Variants in CFAP54 observed in about 807,000 individuals in gnomAD.
The protein encoded by CFAP54 is cilia- and flagella-associated protein 54.
In CFAP54, 290 loss-of-function variants were observed where a neutral mutation model predicts 370.4. That is an observed-to-expected ratio of 0.78 (90% CI 0.71 to 0.86). The LOEUF is 0.86. CFAP54 is among the 40% of genes least tolerant of loss of function. CFAP54 has a pLI of 0.00. For synonymous variants in CFAP54, 1,206 were observed against 1,236.5 expected (o/e 0.98, Z 0.52); for missense variants, 3,399 against 3,528.7 (o/e 0.96, Z 0.93).
chr12:96,509,265 G>T (rs1955140133), intron 4 of CFAP54, among the ~76,000 whole-genome samples: 1 of 152,164 alleles, frequency 6.6e-6, no homozygotes, highest in Non-Finnish European at 1.5e-5. Flanking sequence ...GAAGGAGTTT[G>T]GATAGTGAAA....
In CFAP54 at chr12:96,855,024, A is replaced by T. The variant is rs567526165; in HGVS notation, c.9172-5795A>T. Among the ~76,000 whole-genome samples, 5 of 152,308 alleles carry T rather than the reference A, an allele frequency of 3.3e-5. No homozygotes were observed. In the South Asian group the frequency reaches 1.0e-3, roughly 32 times the overall value. ...CCAGGGAGGCCACAGGAGATTTACA[A>T]TCATGGCAGAAGGGGCAGCAAACAT... On this transcript the variant is annotated intron_variant, in intron 66 of 67. Transcript: ENST00000524981.
intron 66 of CFAP54, among the ~76,000 whole-genome samples, chr12:96,834,686 A>G (rs1959180615): frequency 6.6e-6 from 1 of 152,178 alleles, no homozygotes; most frequent in Non-Finnish European, 1.5e-5. Flanking sequence ...TGGCTTGGGG[A>G]TCTTCCAGGC....
intron 17 of CFAP54, among the ~76,000 whole-genome samples, 179 bp from the exon 18 acceptor site, chr12:96,564,288 TA>T (rs1473139916): frequency 6.6e-6 from 1 of 152,180 alleles, no homozygotes; most frequent in Non-Finnish European, 1.5e-5. Flanking sequence ...CTGTGGCAAA[TA>T]AAAGAGGATT....
chr12:96,646,601 G>A (rs1021650299), intron 33 of CFAP54: 2 of 152,168 alleles, frequency 1.3e-5, no homozygotes, highest in Admixed American at 1.3e-4. Flanking sequence ...CCCATTACTG[G>A]GTATATACCC....
chr12:96,583,847 G>A (rs1956052933), intron 22 of CFAP54, among the ~76,000 whole-genome samples: 1 of 152,166 alleles, frequency 6.6e-6, no homozygotes, highest in Admixed American at 6.5e-5. Flanking sequence ...TCTATTAAGT[G>A]ACCCTCTGCT....
intron 45 of CFAP54, among the ~76,000 whole-genome samples, chr12:96,698,807 C>T (rs748566429): frequency 4.6e-5 from 7 of 152,004 alleles, no homozygotes; most frequent in Admixed American, 1.3e-4. Context: ...GGACAAAACG[C>T]CCAGCAAAGC....
In CFAP54 at chr12:96,753,727, A is replaced by G. The variant is rs775622352; in HGVS notation, c.7685-16A>G. The G allele has an allele frequency of 2.5e-6, 4 of 1,609,786 alleles. No individual in the cohort carries two copies. The highest frequency in any genetic ancestry group is 2.2e-5 in the East Asian group (1 of 44,772). Reference sequence around the variant, plus strand: ...GTATTTTTTTGTTCTTCCCCACCGAACTGTTTTTCTTTTAGGACATACAGT... The same window carrying G: ...GTATTTTTTTGTTCTTCCCCACCGAGCTGTTTTTCTTTTAGGACATACAGT... On this transcript the variant is annotated splice_polypyrimidine_tract_variant and intron_variant, in intron 55 of 67. Transcript: ENST00000524981.
intron 60 of CFAP54, among the ~76,000 whole-genome samples, chr12:96,772,207 T>G (rs1939341565): frequency 1.3e-5 from 2 of 152,172 alleles, no homozygotes; most frequent in Admixed American, 6.5e-5. Flanking sequence ...AACAATCAAT[T>G]ATTACCAGTC....
chr12:96,602,587 G>A (rs997307714), intron 26 of CFAP54, among the ~76,000 whole-genome samples: 10 of 152,132 alleles, frequency 6.6e-5, no homozygotes, highest in Admixed American at 3.3e-4. Context: ...TTGTGTGGGA[G>A]TCTAAGTCTC....
At chr12:96,507,722 A>G (rs527425864) in intron 4 of CFAP54, among the ~76,000 whole-genome samples, 1 of 152,304 alleles carries the variant, frequency 6.6e-6, no homozygotes, top group South Asian at 2.1e-4. Context: ...CGATGTGCAT[A>G]AGACAGGATC....
Position 96,527,461 on chromosome 12 carries a change from G to C in CFAP54, c.1357+17G>C, listed in dbSNP as rs1565885401. The C allele has an allele frequency of 6.8e-7, 1 of 1,480,192 alleles. No individual in the cohort carries two copies. Among genetic ancestry groups the C allele is most frequent in the Non-Finnish European group, 9.0e-7 (1 of 1,112,670 alleles). The allele number at this position is 1,480,192 out of a possible 1,614,324, so 91.7% of individuals were successfully genotyped here. A position where few individuals can be genotyped will look rare whatever the true frequency, so the allele number is the denominator to read the frequency against. On this transcript the variant is annotated intron_variant, in intron 9 of 67. Transcript: ENST00000524981. The stretch of plus-strand genomic sequence containing the variant: ...TTTTGATAAGTAAATAAGATGTTAA[G>C]ATATTGTTTTATGATAGAATGATAC...
At chr12:96,603,660 A>G (rs1449605292) in intron 26 of CFAP54, among the ~76,000 whole-genome samples, 7 of 151,662 alleles carry the variant, frequency 4.6e-5, no homozygotes, top group African/African-American at 1.5e-4. Flanking sequence ...GTTTCTTTTT[A>G]CTCTTTTTTC....
At chr12:96,766,787 A>T (rs1199270625) in intron 60 of CFAP54, among the ~76,000 whole-genome samples, 1 of 152,114 alleles carries the variant, frequency 6.6e-6, no homozygotes, top group Non-Finnish European at 1.5e-5. Flanking sequence ...ACTTTACCCT[A>T]GTCATTTCCT....
At chr12:96,633,449 C>T (rs1160379781) in intron 32 of CFAP54, among the ~76,000 whole-genome samples, 1 of 152,148 alleles carries the variant, frequency 6.6e-6, no homozygotes, top group Non-Finnish European at 1.5e-5. Flanking sequence ...ATTTGGATTA[C>T]AGCAAGTTTG....
At chr12:96,605,747 G>T (rs1360689037) in intron 26 of CFAP54, among the ~76,000 whole-genome samples, 1 of 152,154 alleles carries the variant, frequency 6.6e-6, no homozygotes, top group Non-Finnish European at 1.5e-5. Flanking sequence ...TGACACCCAG[G>T]TTTCTAGCTT....
chr12:96,541,606 T>A (rs1482188762), intron 14 of CFAP54, among the ~76,000 whole-genome samples: 1 of 152,050 alleles, frequency 6.6e-6, no homozygotes, highest in Admixed American at 6.6e-5. Flanking sequence ...TCTTTTATCT[T>A]CCTTTGTTTT....
intron 66 of CFAP54, among the ~76,000 whole-genome samples, chr12:96,846,259 ACTTC>A (rs1302986950): frequency 1.3e-5 from 2 of 152,206 alleles, no homozygotes; most frequent in Non-Finnish European, 2.9e-5. Context: ...CCAGGAAACC[ACTTC>A]CTTCCACTTT....
intron 66 of CFAP54, among the ~76,000 whole-genome samples, chr12:96,838,557 A>G (rs1055178870): frequency 2.0e-5 from 3 of 152,124 alleles, no homozygotes; most frequent in African/African-American, 7.2e-5. Flanking sequence ...GAGAGAAAAA[A>G]AAGTGAGGGG....
chr12:96,827,711 T>C (rs1251946031), intron 65 of CFAP54, among the ~76,000 whole-genome samples: 1 of 126,882 alleles, frequency 7.9e-6, no homozygotes, highest in Non-Finnish European at 1.6e-5. Flanking sequence ...ATATTATATA[T>C]AATTATATAT....
Sources: allele counts gnomAD v4.1 joint callset (sites outside exome capture counted in the v4.1 genomes callset), GRCh38; gene constraint gnomAD v4.1.1; transcripts MANE v1.5; gene names NCBI Gene and HGNC (gene_info 2026-07-23, HGNC 2026-07-21).